PTPRD: variants seen among roughly 807,000 people sequenced by gnomAD.
The protein encoded by PTPRD is protein tyrosine phosphatase receptor type D.
In PTPRD, 34 loss-of-function variants were observed where a neutral mutation model predicts 214.5. The observed-to-expected ratio is 0.16, with a 90% CI of 0.12 to 0.21. PTPRD has a LOEUF of 0.21. Among genes scored for constraint, PTPRD ranks in the 10% least tolerant of loss-of-function variants. PTPRD has a pLI of 1.00. For synonymous variants in PTPRD, 1,128 were observed against 845.7 expected (o/e 1.33, Z -5.79); for missense variants, 2,545 against 2,398.7 (o/e 1.06, Z -1.27).
intron 39 of PTPRD, among the ~76,000 whole-genome samples, chr9:8,349,288 A>G (rs2074757730): frequency 6.6e-6 from 1 of 152,164 alleles, no homozygotes; most frequent in South Asian, 2.1e-4. Flanking sequence ...GAATGTTGAA[A>G]ATTCAGAGCT....
At chr9:9,739,369 T>A (rs2098360582) in intron 6 of PTPRD, among the ~76,000 whole-genome samples, 1 of 152,204 alleles carries the variant, frequency 6.6e-6, no homozygotes, top group African/African-American at 2.4e-5. Context: ...AATAAAGGGT[T>A]TTTTTGTTGT....
At chr9:8,950,135 G>A (rs2099093572) in intron 11 of PTPRD, among the ~76,000 whole-genome samples, 1 of 152,088 alleles carries the variant, frequency 6.6e-6, no homozygotes, top group African/African-American at 2.4e-5. Flanking sequence ...AAAATACTAA[G>A]GGAATGCAAA....
chr9:9,875,921 G>T (rs189527377), intron 5 of PTPRD, among the ~76,000 whole-genome samples: 7 of 152,258 alleles, frequency 4.6e-5, no homozygotes, highest in Admixed American at 2.6e-4. Flanking sequence ...TCTAGTGAAT[G>T]GAAGCAGAAA....
At chr9:9,976,792 G>A (rs1047913886) in intron 4 of PTPRD, among the ~76,000 whole-genome samples, 4 of 150,046 alleles carry the variant, frequency 2.7e-5, no homozygotes, top group African/African-American at 9.9e-5. Flanking sequence ...TCTCTAGCTA[G>A]CTATCTGTCT....
chr9:9,981,780 T>C (rs558353628), intron 4 of PTPRD, among the ~76,000 whole-genome samples: 6 of 152,196 alleles, frequency 3.9e-5, no homozygotes, highest in African/African-American at 7.2e-5. Context: ...TTTTGACTCG[T>C]ATCATACTCT....
intron 9 of PTPRD, among the ~76,000 whole-genome samples, chr9:9,336,578 A>G (rs2044569828): frequency 6.6e-6 from 1 of 152,102 alleles, no homozygotes; most frequent in Non-Finnish European, 1.5e-5. Context: ...ATTATTCTCT[A>G]TATGGGTTGG....
chr9:9,015,278 A>G (rs1208118506), intron 11 of PTPRD, among the ~76,000 whole-genome samples: 1 of 152,130 alleles, frequency 6.6e-6, no homozygotes, highest in African/African-American at 2.4e-5. Context: ...TAGGAGGTCA[A>G]CACAAGATAC....
At chr9:9,384,751 A>C (rs547371081) in intron 9 of PTPRD, among the ~76,000 whole-genome samples, 1 of 152,002 alleles carries the variant, frequency 6.6e-6, no homozygotes, top group Non-Finnish European at 1.5e-5. Context: ...TATTATGATG[A>C]ATTTTCTCAT....
At chr9:9,700,501 G>T (rs2097476680) in intron 7 of PTPRD, among the ~76,000 whole-genome samples, 1 of 152,004 alleles carries the variant, frequency 6.6e-6, no homozygotes, top group African/African-American at 2.4e-5. Flanking sequence ...AATCTGACTT[G>T]TTTTTAAAAC....
chr9:10,451,399 T>C (rs933522179), intron 2 of PTPRD, among the ~76,000 whole-genome samples: 12 of 151,878 alleles, frequency 7.9e-5, no homozygotes, highest in Non-Finnish European at 1.6e-4. Flanking sequence ...GTCAATCCCA[T>C]GGCAATTGTG....
At chr9:9,085,392 T>A (rs2099765559) in intron 10 of PTPRD, among the ~76,000 whole-genome samples, 1 of 152,146 alleles carries the variant, frequency 6.6e-6, no homozygotes. Flanking sequence ...AGCATGCAAA[T>A]TCTTCTTTCA....
intron 8 of PTPRD, among the ~76,000 whole-genome samples, chr9:9,404,107 A>G (rs533602465): frequency 1.3e-5 from 2 of 152,218 alleles, no homozygotes; most frequent in Non-Finnish European, 2.9e-5. Context: ...ACAGAGTGGT[A>G]AAAAATACAT....
intron 9 of PTPRD, among the ~76,000 whole-genome samples, chr9:9,227,779 G>C (rs770171046): frequency 1.3e-5 from 2 of 152,240 alleles, no homozygotes; most frequent in Non-Finnish European, 2.9e-5. Flanking sequence ...CCATAGCCAT[G>C]TGAATGAGCC....
At chr9:10,189,617 T>A (rs75726097) in intron 3 of PTPRD, among the ~76,000 whole-genome samples, 2,117 of 152,158 alleles carry the variant, frequency 0.014, 49 homozygotes, top group African/African-American at 0.043. Context: ...TTCCACAACA[T>A]GCAGCAGGAC....
chr9:10,009,831 T>G (rs1334693472), intron 4 of PTPRD, among the ~76,000 whole-genome samples: 2 of 151,988 alleles, frequency 1.3e-5, no homozygotes, highest in Non-Finnish European at 2.9e-5. Flanking sequence ...AACGCTATAC[T>G]AGAGTCTGCT....
chr9:8,398,647 A>G (rs1390191392), intron 36 of PTPRD, among the ~76,000 whole-genome samples: 1 of 152,198 alleles, frequency 6.6e-6, no homozygotes, highest in Non-Finnish European at 1.5e-5. Context: ...TAGGATCCTT[A>G]TAAAAAAGCT....
intron 36 of PTPRD, among the ~76,000 whole-genome samples, chr9:8,394,806 T>C (rs538163703): frequency 6.6e-6 from 1 of 152,232 alleles, no homozygotes. Context: ...TGTGCTGAGA[T>C]GAGATTTTTC....
At chr9:10,533,038 G>T (rs1350680067) in intron 2 of PTPRD, among the ~76,000 whole-genome samples, 1 of 152,078 alleles carries the variant, frequency 6.6e-6, no homozygotes, top group Non-Finnish European at 1.5e-5. Flanking sequence ...ATGCTCTCCA[G>T]ATAGGGTGAG....
At chr9:10,154,032 T>A (rs183330421) in intron 3 of PTPRD, among the ~76,000 whole-genome samples, 1 of 151,966 alleles carries the variant, frequency 6.6e-6, no homozygotes, top group East Asian at 1.9e-4. Flanking sequence ...ATGGTAGTTC[T>A]GTTTTGAGAA....
Sources: allele counts gnomAD v4.1 joint callset (sites outside exome capture counted in the v4.1 genomes callset), GRCh38; gene constraint gnomAD v4.1.1; transcripts MANE v1.5; gene names NCBI Gene and HGNC (gene_info 2026-07-23, HGNC 2026-07-21).